Variants in NFIB observed in about 807,000 individuals in gnomAD.
The protein encoded by NFIB is nuclear factor I B.
In NFIB, 11 loss-of-function variants were observed where a neutral mutation model predicts 61.5. The ratio of observed to expected loss-of-function variants is 0.18; its 90% CI spans 0.11 to 0.30. The LOEUF (loss-of-function observed/expected upper bound fraction) is 0.30, where lower values mean the gene tolerates loss of function less well. NFIB is among the 10% of genes least tolerant of loss of function. The probability of loss-of-function intolerance (pLI) is 1.00; values close to 1 mark genes in which losing one functional copy is unlikely to be tolerated. For missense variants in NFIB, 471 were observed against 608.9 expected (o/e 0.77, Z 2.38); for synonymous variants, 260 against 216.5 (o/e 1.20, Z -1.76).
At chr9:14,166,290 T>A (rs968498553) in intron 3 of NFIB, among the ~76,000 whole-genome samples, 11 of 152,174 alleles carry the variant, frequency 7.2e-5, no homozygotes, top group African/African-American at 2.4e-4. Flanking sequence ...CAAGTAACAT[T>A]TTTGCAAATA....
the NFIB span, among the ~76,000 whole-genome samples, chr9:14,519,010 C>T: frequency 6.6e-6 from 1 of 152,178 alleles, no homozygotes; most frequent in Non-Finnish European, 1.5e-5. Context: ...TGGGTGAAAT[C>T]ATCTTTGATG....
the NFIB span, among the ~76,000 whole-genome samples, chr9:14,483,848 G>A: frequency 6.6e-6 from 1 of 152,130 alleles, no homozygotes. Context: ...AATGTTACAA[G>A]AAATAAACTT....
the NFIB span, among the ~76,000 whole-genome samples, chr9:14,509,301 G>T: frequency 6.6e-6 from 1 of 152,166 alleles, no homozygotes; most frequent in South Asian, 2.1e-4. Context: ...AGACACACAT[G>T]TTCTGCAGAA....
chr9:14,379,816 G>GA (rs2061463982), intron 1 of NFIB, among the ~76,000 whole-genome samples: 1 of 152,012 alleles, frequency 6.6e-6, no homozygotes, highest in African/African-American at 2.4e-5. Flanking sequence ...CCGAGTAGCT[G>GA]GAATTACAGG....
At chr9:14,450,422 T>C in the NFIB span, among the ~76,000 whole-genome samples, 1 of 152,236 alleles carries the variant, frequency 6.6e-6, no homozygotes, top group African/African-American at 2.4e-5. Context: ...GAAGATAATA[T>C]TATAGTTCGT....
chr9:14,279,256 C>T lies in NFIB; in HGVS notation c.562+27733G>A, dbSNP rs188496927. ...CCCCGTCTTCCCATCATATCCCCTA[C>T]CTTTTCTACGATAATAAGAGGATAT... On this transcript the variant is annotated intron_variant, in intron 2 of 10. Coordinates refer to ENST00000380953, the MANE Select transcript of NFIB (RefSeq NM_001190737.2). Among the ~76,000 whole-genome samples, 84 of 152,256 alleles carry T rather than the reference C, an allele frequency of 5.5e-4. 1 individual carries two copies. Among genetic ancestry groups the T allele is most frequent in the Admixed American group, 4.4e-3 (67 of 15,290 alleles).
At chr9:14,323,641 G>A (rs1588310782) in intron 1 of NFIB, among the ~76,000 whole-genome samples, 1 of 152,150 alleles carries the variant, frequency 6.6e-6, no homozygotes, top group South Asian at 2.1e-4. Flanking sequence ...GATTACCAGT[G>A]AGACTAGAAT....
chr9:14,460,236 G>A, the NFIB span, among the ~76,000 whole-genome samples: 1 of 152,126 alleles, frequency 6.6e-6, no homozygotes, highest in African/African-American at 2.4e-5. Context: ...GATGAAGCTG[G>A]AAACCATGAT....
chr9:14,526,672 A>G, the NFIB span, among the ~76,000 whole-genome samples: 2 of 152,170 alleles, frequency 1.3e-5, no homozygotes, highest in African/African-American at 4.8e-5. Context: ...GAAAATAACA[A>G]TCTCGGGGAA....
At chr9:14,297,273 CT>C in intron 2 of NFIB, among the ~76,000 whole-genome samples, 1 of 152,196 alleles carries the variant, frequency 6.6e-6, no homozygotes. Context: ...GGCGCTGCCC[CT>C]GAGGATGCTA....
chr9:14,436,508 G>T, the NFIB span, among the ~76,000 whole-genome samples: 1 of 152,226 alleles, frequency 6.6e-6, no homozygotes. Context: ...AAAGGTTCTT[G>T]CCTGTTAGAG....
At chr9:14,144,584 G>A (rs951361604) in intron 6 of NFIB, among the ~76,000 whole-genome samples, 5 of 152,196 alleles carry the variant, frequency 3.3e-5, no homozygotes. Flanking sequence ...CGCACCAAGT[G>A]TGTGTTAAGT....
intron 2 of NFIB, among the ~76,000 whole-genome samples, chr9:14,270,579 CAAAAAAAAAA>C (rs147823074): frequency 1.8e-5 from 1 of 54,376 alleles, no homozygotes; most frequent in Non-Finnish European, 3.2e-5. Flanking sequence ...CCTTAGATCA[CAAAAAAAAAA>C]AAAAAAAAAA....
the NFIB span, among the ~76,000 whole-genome samples, chr9:14,494,702 T>G: frequency 6.6e-6 from 1 of 152,218 alleles, no homozygotes; most frequent in Non-Finnish European, 1.5e-5. Flanking sequence ...TGATTTTACA[T>G]CAGCAAATGT....
rs1341667625 is a variant in NFIB, at chr9:14,083,032, A to G, written c.*5277T>C. 4 of 209,372 alleles carry G rather than the reference A, an allele frequency of 1.9e-5. No individual in the cohort carries two copies. Among genetic ancestry groups the G allele is most frequent in the Admixed American group, 1.2e-4 (2 of 16,844 alleles). 13.0% of individuals were successfully genotyped at this position (209,372 alleles called of 1,614,324 possible). Reference sequence around the variant, plus strand: ...CACTGAAGCGCTTTTCACAATCTCAACATACATTTGAATTGCAACACACAG... The same window carrying G: ...CACTGAAGCGCTTTTCACAATCTCAGCATACATTTGAATTGCAACACACAG... On this transcript the variant is annotated 3_prime_UTR_variant, in exon 11 of 11. Coordinates refer to ENST00000380953, the MANE Select transcript of NFIB (RefSeq NM_001190737.2).
At position 14,183,563 on chromosome 9, in the gene NFIB, C is replaced by T. The variant is rs994870172; in HGVS notation, c.563-3783G>A. 3.9e-5 allele frequency among the ~76,000 whole-genome samples: 6 copies of T among 152,044 alleles called. No individual in the cohort carries two copies. The South Asian group carries it at 1.0e-3, about 26-fold the overall frequency. ...GGACTACAGGCGCACACCACCACAC[C>T]CAGCTAGTTTTTGTATTTTTTGGTA... On this transcript the variant is annotated intron_variant, in intron 2 of 10. Coordinates refer to ENST00000380953, the MANE Select transcript of NFIB (RefSeq NM_001190737.2).
At chr9:14,408,159 G>A in the NFIB span, among the ~76,000 whole-genome samples, 1 of 152,124 alleles carries the variant, frequency 6.6e-6, no homozygotes, top group African/African-American at 2.4e-5. Flanking sequence ...GGCAATAAGG[G>A]ACATGGAATC....
At chr9:14,270,398 C>T (rs1205026847) in intron 2 of NFIB, among the ~76,000 whole-genome samples, 1 of 151,902 alleles carries the variant, frequency 6.6e-6, no homozygotes, top group African/African-American at 2.4e-5. Flanking sequence ...AATCTGTGCA[C>T]ATGCTAATTT....
the NFIB span, among the ~76,000 whole-genome samples, chr9:14,477,653 T>C: frequency 4.6e-5 from 7 of 152,226 alleles, no homozygotes; most frequent in African/African-American, 9.6e-5. Context: ...GAGTTATTTC[T>C]ATGTTGTAAA....
Sources: gnomAD v4.1 joint callset for allele counts (sites outside exome capture counted in the v4.1 genomes callset) on GRCh38, gnomAD v4.1.1 for gene constraint, MANE v1.5 for transcripts, NCBI Gene and HGNC (gene_info 2026-07-23, HGNC 2026-07-21) for gene names.